FBLN7: variants seen among roughly 807,000 people sequenced by gnomAD.
The protein encoded by FBLN7 is fibulin-7.
FBLN7 carries 31 observed loss-of-function variants against 44.0 expected under a neutral mutation model. That is an observed-to-expected ratio of 0.70 (90% CI 0.53 to 0.95). The LOEUF is 0.95. Ranked by LOEUF, FBLN7 falls within the 40% of genes least tolerant of loss-of-function variation. The pLI, the probability that FBLN7 is intolerant of heterozygous loss-of-function variation, is 0.00. For missense variants in FBLN7, 573 were observed against 618.5 expected, an observed-to-expected ratio of 0.93 and a Z score of 0.78; for synonymous variants, 262 against 253.4, an observed-to-expected ratio of 1.03 and a Z score of -0.32.
At chr2:112,171,032 G>A (rs545510332) in intron 3 of FBLN7, among the ~76,000 whole-genome samples, 59 of 152,262 alleles carry the variant, frequency 3.9e-4, no homozygotes, top group African/African-American at 1.3e-3. Context: ...GATGGATGTG[G>A]TTTGTTTTTA....
chr2:112,187,431 G>T lies in FBLN7; in HGVS notation c.1245G>T (p.Ser415=), dbSNP rs140178022. ...PQTLEVDVDM[S]EYLDRSFQAN... The stretch of plus-strand genomic sequence containing the variant: ...CGCTGGAGGTGGACGTCGACATGTC[G>T]GAATACCTGGACCGCTCCTTCCAGG... Residue 415 remains serine (S), a synonymous_variant, in exon 8 of 8, where the codon TCG becomes TCT. Transcript: ENST00000331203. The surrounding 1 kb of genome is among the most constrained non-coding windows in gnomAD (Gnocchi z 5.1). 6.2e-7 allele frequency: 1 copy of T among 1,614,032 alleles called. No individual in the cohort carries two copies. Among genetic ancestry groups the T allele is most frequent in the Non-Finnish European group, 8.5e-7 (1 of 1,180,044 alleles).
chr2:112,223,897 C>CTT, the FBLN7 span, among the ~76,000 whole-genome samples: 1 of 152,196 alleles, frequency 6.6e-6, no homozygotes, highest in African/African-American at 2.4e-5. Context: ...AATCCCAGCA[C>CTT]TTTGGGAGGC....
At chr2:112,144,034 C>T (rs1680779898) in intron 1 of FBLN7, among the ~76,000 whole-genome samples, 1 of 152,104 alleles carries the variant, frequency 6.6e-6, no homozygotes, top group African/African-American at 2.4e-5. Flanking sequence ...TTATTATTTT[C>T]ACATTGCTTA....
intron 1 of FBLN7, among the ~76,000 whole-genome samples, chr2:112,149,196 G>A (rs1037105468): frequency 6.6e-6 from 1 of 152,154 alleles, no homozygotes; most frequent in Non-Finnish European, 1.5e-5. Flanking sequence ...GATTGCAGAG[G>A]AGAATGGAAG....
At chr2:112,216,838 GAAC>G in the FBLN7 span, among the ~76,000 whole-genome samples, 3 of 151,544 alleles carry the variant, frequency 2.0e-5, no homozygotes, top group Non-Finnish European at 2.9e-5. Flanking sequence ...AGCAGAAAGA[GAAC>G]AAAAAATGAG....
chr2:112,225,648 C>G, the FBLN7 span, among the ~76,000 whole-genome samples: 76 of 152,266 alleles, frequency 5.0e-4, no homozygotes, highest in African/African-American at 1.6e-3. Flanking sequence ...GAAACTTAGT[C>G]TCTACTAAAA....
chr2:112,160,192 T>TGG (rs1681680106), intron 2 of FBLN7, among the ~76,000 whole-genome samples: 1 of 149,434 alleles, frequency 6.7e-6, no homozygotes, highest in African/African-American at 2.5e-5. Flanking sequence ...GGGTTTCACC[T>TGG]TGTTAGCCAG....
chr2:112,199,362 C>T, the FBLN7 span, among the ~76,000 whole-genome samples: 1 of 152,176 alleles, frequency 6.6e-6, no homozygotes, highest in Non-Finnish European at 1.5e-5. Flanking sequence ...CTATTGGCAG[C>T]AAGGCTGTCA....
chr2:112,200,055 A>T, the FBLN7 span, among the ~76,000 whole-genome samples: 1 of 152,006 alleles, frequency 6.6e-6, no homozygotes, highest in African/African-American at 2.4e-5. Context: ...AGACAAAGAC[A>T]CCCCCCATAT....
the FBLN7 span, among the ~76,000 whole-genome samples, chr2:112,227,216 CATTAGAAAG>C: frequency 6.6e-6 from 1 of 152,172 alleles, no homozygotes; most frequent in African/African-American, 2.4e-5. Context: ...AAATAAAAAG[CATTAGAAAG>C]GTTAGAAAGG....
the FBLN7 span, among the ~76,000 whole-genome samples, chr2:112,207,324 G>A: frequency 5.3e-5 from 8 of 152,132 alleles, no homozygotes; most frequent in Middle Eastern, 3.4e-3. Context: ...AAAATTAGCC[G>A]GGTGTGGTGG....
chr2:112,154,713 G>A (rs900316877), intron 1 of FBLN7, among the ~76,000 whole-genome samples: 2 of 152,188 alleles, frequency 1.3e-5, no homozygotes, highest in South Asian at 2.1e-4. Flanking sequence ...CCTCAGCAAG[G>A]ACCACATGTG....
the FBLN7 span, among the ~76,000 whole-genome samples, chr2:112,239,523 CA>C: frequency 7.1e-6 from 1 of 140,354 alleles, no homozygotes; most frequent in Admixed American, 7.1e-5. Flanking sequence ...AGACAAAAAA[CA>C]AAACAGAAGA....
In FBLN7 at chr2:112,175,789, T is replaced by A. The variant is rs1260777435; in HGVS notation, c.482T>A (p.Ile161Asn). ...GAAGGAGTCAACCAGTACAGATGCA[T>A]TTGTCCTCCAGGAAGGACTGGGAAC... ...CVEGVNQYRC[I>N]CPPGRTGNRC... The change falls in exon 4 of 8, where the codon ATT (isoleucine) becomes AAT (asparagine). Residue 161 changes from isoleucine to asparagine, a missense_variant. Coordinates refer to ENST00000331203, the MANE Select transcript of FBLN7 (RefSeq NM_153214.3). 1 of 1,614,144 alleles carries A rather than the reference T, an allele frequency of 6.2e-7. No individual in the cohort carries two copies. Among genetic ancestry groups the A allele is most frequent in the South Asian group, 1.1e-5 (1 of 91,080 alleles).
the FBLN7 span, among the ~76,000 whole-genome samples, chr2:112,232,633 G>GTT: frequency 6.6e-6 from 1 of 152,100 alleles, no homozygotes; most frequent in Non-Finnish European, 1.5e-5. Flanking sequence ...TGGATCCTTT[G>GTT]TACATTAGAC....
intron 6 of FBLN7, 143 bp downstream of exon 6, chr2:112,183,071 G>A: frequency 9.2e-7 from 1 of 1,084,458 alleles, no homozygotes; most frequent in Non-Finnish European, 1.3e-6. Flanking sequence ...CAACCAAAGG[G>A]CTTCTCAAAG....
the FBLN7 span, among the ~76,000 whole-genome samples, chr2:112,224,088 GAGAT>G: frequency 3.3e-5 from 5 of 152,134 alleles, no homozygotes; most frequent in Admixed American, 1.3e-4. Flanking sequence ...GTGGTGAGCT[GAGAT>G]AGATAATGCC....
downstream of FBLN7, among the ~76,000 whole-genome samples, chr2:112,191,540 C>G (rs1683491581): frequency 6.6e-6 from 1 of 152,086 alleles, no homozygotes; most frequent in Non-Finnish European, 1.5e-5. Flanking sequence ...TTCTGAAAAC[C>G]TCCTTCTAAA....
intron 1 of FBLN7, among the ~76,000 whole-genome samples, chr2:112,158,543 C>T (rs1418392614): frequency 2.6e-5 from 4 of 152,094 alleles, no homozygotes; most frequent in Non-Finnish European, 1.5e-5. Context: ...TCAAGCGATT[C>T]TCCTGCCTCA....
Sources: allele counts gnomAD v4.1 joint callset (sites outside exome capture counted in the v4.1 genomes callset), GRCh38; gene constraint gnomAD v4.1.1; non-coding constraint Gnocchi (gnomAD v3.1); transcripts MANE v1.5; gene names NCBI Gene and HGNC (gene_info 2026-07-23, HGNC 2026-07-21).